PLXDC2: variants seen among roughly 807,000 people sequenced by gnomAD.
The protein encoded by PLXDC2 is plexin domain containing 2, also known as plexin domain-containing protein 2.
PLXDC2 carries 40 observed loss-of-function variants against 68.9 expected under a neutral mutation model. The ratio of observed to expected loss-of-function variants is 0.58; its 90% CI spans 0.45 to 0.76. PLXDC2 has a LOEUF of 0.76. Among genes scored for constraint, PLXDC2 ranks in the 30% least tolerant of loss-of-function variants. The pLI is 0.00. For missense variants in PLXDC2, 644 were observed against 661.9 expected (o/e 0.97, Z 0.30); for synonymous variants, 243 against 234.2 (o/e 1.04, Z -0.34).
At chr10:19,934,185 A>G (rs1833687187) in intron 1 of PLXDC2, among the ~76,000 whole-genome samples, 1 of 152,250 alleles carries the variant, frequency 6.6e-6, no homozygotes, top group South Asian at 2.1e-4. Flanking sequence ...CTTGCATTAC[A>G]CAATGGGTCC....
chr10:20,020,067 C>T (rs1261332768), intron 2 of PLXDC2, among the ~76,000 whole-genome samples: 1 of 84,558 alleles, frequency 1.2e-5, no homozygotes, highest in Non-Finnish European at 2.3e-5. Flanking sequence ...GCTCTGTCTG[C>T]TCAGTACAGT....
intron 1 of PLXDC2, among the ~76,000 whole-genome samples, chr10:19,817,596 G>A (rs1836378530): frequency 6.6e-6 from 1 of 152,152 alleles, no homozygotes; most frequent in Non-Finnish European, 1.5e-5. Flanking sequence ...TGGGGTGGGT[G>A]GGGGACGTTG....
chr10:20,168,609 A>G (rs1253659978), intron 7 of PLXDC2, among the ~76,000 whole-genome samples: 4 of 152,186 alleles, frequency 2.6e-5, no homozygotes, highest in Non-Finnish European at 5.9e-5. Flanking sequence ...ACTGTTTTTC[A>G]TAAAATGTAT....
At chr10:19,833,102 G>T (rs1836725132) in intron 1 of PLXDC2, among the ~76,000 whole-genome samples, 1 of 152,188 alleles carries the variant, frequency 6.6e-6, no homozygotes, top group Non-Finnish European at 1.5e-5. Context: ...AAGGATGTCA[G>T]AGGCAGAGAC....
chr10:20,186,786 T>C (rs1277378607), intron 9 of PLXDC2, among the ~76,000 whole-genome samples: 1 of 152,000 alleles, frequency 6.6e-6, no homozygotes. Context: ...ATCATGTATA[T>C]GTACCATGTT....
At chr10:20,140,402 A>ATAT (rs1554769219) in intron 4 of PLXDC2, among the ~76,000 whole-genome samples, 3 of 66,052 alleles carry the variant, frequency 4.5e-5, no homozygotes, top group South Asian at 4.6e-4. Context: ...ATATATATAT[A>ATAT]AAATATCTAT....
intron 4 of PLXDC2, among the ~76,000 whole-genome samples, chr10:20,074,974 T>A (rs1291871542): frequency 6.6e-6 from 1 of 152,120 alleles, no homozygotes; most frequent in African/African-American, 2.4e-5. Flanking sequence ...TCATTCCAAC[T>A]TGCTTCAATG....
intron 2 of PLXDC2, among the ~76,000 whole-genome samples, chr10:20,015,690 A>G (rs1271255032): frequency 2.0e-5 from 3 of 152,134 alleles, no homozygotes; most frequent in Admixed American, 2.0e-4. Flanking sequence ...TAATCGATTA[A>G]AAAAACACAG....
At chr10:20,092,558 T>C (rs1342309968) in intron 4 of PLXDC2, among the ~76,000 whole-genome samples, 2 of 152,082 alleles carry the variant, frequency 1.3e-5, no homozygotes. Context: ...CTCACAGAAG[T>C]TGATTGTTGA....
In PLXDC2 at chr10:20,199,228, A is replaced by AT. The variant is rs570442196; in HGVS notation, c.1062-12434dup. ...AAAAAATATTTGATAAAATTTAACC[A>AT]TTTTTTTAAGTTAACATTAGCAAAC... On this transcript the variant is annotated intron_variant, in intron 9 of 13. Coordinates refer to ENST00000377252, the MANE Select transcript of PLXDC2 (RefSeq NM_032812.9). 3.0e-4 allele frequency among the ~76,000 whole-genome samples: 45 copies of AT among 152,110 alleles called. No individual in the cohort carries two copies. In the South Asian group the frequency reaches 8.9e-3, roughly 30 times the overall value.
chr10:20,204,575 C>G (rs915177518), intron 9 of PLXDC2, among the ~76,000 whole-genome samples: 1 of 152,214 alleles, frequency 6.6e-6, no homozygotes, highest in African/African-American at 2.4e-5. Context: ...ATATAAATCA[C>G]CAGATAATTC....
At chr10:20,039,767 T>A (rs2131675266) in intron 2 of PLXDC2, among the ~76,000 whole-genome samples, 1 of 152,202 alleles carries the variant, frequency 6.6e-6, no homozygotes, top group African/African-American at 2.4e-5. Flanking sequence ...ATAATACAGA[T>A]GAGAGGGAGG....
chr10:20,167,841 G>C (rs979660364), intron 7 of PLXDC2, among the ~76,000 whole-genome samples: 29 of 152,014 alleles, frequency 1.9e-4, no homozygotes, highest in African/African-American at 6.8e-4. Context: ...TGAAGATTTG[G>C]TAAAGCATTC....
At chr10:19,916,003 G>GTACC (rs1833359251) in intron 1 of PLXDC2, among the ~76,000 whole-genome samples, 1 of 151,898 alleles carries the variant, frequency 6.6e-6, no homozygotes, top group Non-Finnish European at 1.5e-5. Context: ...GCTTTCATGT[G>GTACC]TACCTCTCTT....
intron 2 of PLXDC2, among the ~76,000 whole-genome samples, chr10:20,039,194 G>C (rs1228629938): frequency 1.3e-5 from 2 of 152,152 alleles, no homozygotes; most frequent in Non-Finnish European, 2.9e-5. Context: ...GAATGTAGCT[G>C]TGTGTCCAGT....
At chr10:19,901,676 GTTTAT>G (rs1367918477) in intron 1 of PLXDC2, among the ~76,000 whole-genome samples, 1 of 152,150 alleles carries the variant, frequency 6.6e-6, no homozygotes, top group South Asian at 2.1e-4. Flanking sequence ...AAGCTTTTTA[GTTTAT>G]TTAAGTCCCA....
At chr10:20,148,337 A>G (rs890797824) in intron 6 of PLXDC2, among the ~76,000 whole-genome samples, 1 of 151,982 alleles carries the variant, frequency 6.6e-6, no homozygotes, top group Non-Finnish European at 1.5e-5. Context: ...TATAGACACG[A>G]AAACTTATGT....
At chr10:19,989,206 T>G (rs1470081058) in intron 1 of PLXDC2, among the ~76,000 whole-genome samples, 2 of 152,224 alleles carry the variant, frequency 1.3e-5, no homozygotes, top group Non-Finnish European at 2.9e-5. Flanking sequence ...AATGGTTTTT[T>G]ACAAGCAAAA....
intron 2 of PLXDC2, among the ~76,000 whole-genome samples, chr10:20,014,764 G>A (rs979209784): frequency 6.6e-6 from 1 of 152,000 alleles, no homozygotes; most frequent in African/African-American, 2.4e-5. Context: ...ATTTTGCTTT[G>A]TCCATGTATA....
Sources: allele counts gnomAD v4.1 joint callset (sites outside exome capture counted in the v4.1 genomes callset), GRCh38; gene constraint gnomAD v4.1.1; transcripts MANE v1.5; gene names NCBI Gene and HGNC (gene_info 2026-07-23, HGNC 2026-07-21).